The following FNIP2 variants were observed in gnomAD, a reference collection of about 807,000 sequenced individuals.
The protein encoded by FNIP2 is folliculin interacting protein 2.
FNIP2 carries 32 observed loss-of-function variants against 108.7 expected under a neutral mutation model. That is an observed-to-expected ratio of 0.29 (90% CI 0.22 to 0.40). The LOEUF is 0.40. Among genes scored for constraint, FNIP2 ranks in the 10% least tolerant of loss-of-function variants. The pLI is 1.00. For missense variants in FNIP2, 1,202 were observed against 1,381.6 expected (o/e 0.87, Z 2.06); for synonymous variants, 480 against 496.7 (o/e 0.97, Z 0.45).
At chr4:158,794,158 A>T (rs1432272165) in intron 1 of FNIP2, among the ~76,000 whole-genome samples, 1 of 152,088 alleles carries the variant, frequency 6.6e-6, no homozygotes, top group East Asian at 1.9e-4. Context: ...AATTCATTTC[A>T]CTTGTTTTTT....
At chr4:158,854,713 A>T (rs1459996310) in intron 8 of FNIP2, among the ~76,000 whole-genome samples, 1 of 152,256 alleles carries the variant, frequency 6.6e-6, no homozygotes, top group Admixed American at 6.5e-5. Flanking sequence ...ATGGACTGCC[A>T]TGTAGAAATG....
chr4:158,835,176 G>C (rs1578887808), intron 6 of FNIP2: 1 of 239,700 alleles, frequency 4.2e-6, no homozygotes, highest in African/African-American at 2.2e-5. Context: ...AAGTTTGTAT[G>C]CTTACAATTG....
intron 1 of FNIP2, among the ~76,000 whole-genome samples, chr4:158,793,188 A>G (rs934046316): frequency 6.6e-6 from 1 of 152,242 alleles, no homozygotes; most frequent in African/African-American, 2.4e-5. Context: ...CAGAGGACCC[A>G]GAGTGCTGAT....
intron 8 of FNIP2, among the ~76,000 whole-genome samples, chr4:158,852,312 G>A (rs986879977): frequency 2.0e-5 from 3 of 152,206 alleles, no homozygotes; most frequent in Non-Finnish European, 4.4e-5. Flanking sequence ...GAGGGGTCAG[G>A]ATGTGTGAGC....
chr4:158,869,389 G>T lies in FNIP2; in HGVS notation c.2753G>T (p.Arg918Met). Residue 918 changes from arginine (R) to methionine (M), a missense_variant, in exon 13 of 17, where the codon AGG (arginine) becomes ATG (methionine). Coordinates refer to ENST00000264433, the MANE Select transcript of FNIP2 (RefSeq NM_020840.3). ...AMLDLGHGGD[R>M]TGGSLEVELP... Reference sequence around the variant, plus strand: ...CTAGATCTGGGTCACGGTGGTGACAGGACTGGAGGGTCCTTGGAAGTGGAG... The same window carrying T: ...CTAGATCTGGGTCACGGTGGTGACATGACTGGAGGGTCCTTGGAAGTGGAG... The T allele has an allele frequency of 6.2e-7, 1 of 1,609,274 alleles. No individual in the cohort carries two copies. The highest frequency in any genetic ancestry group is 2.2e-5 in the East Asian group (1 of 44,750).
intron 14 of FNIP2, among the ~76,000 whole-genome samples, chr4:158,888,570 C>A (rs1253234783): frequency 6.6e-6 from 1 of 152,162 alleles, no homozygotes; most frequent in Non-Finnish European, 1.5e-5. Flanking sequence ...CGTCTTTACT[C>A]AGGTCTCTAC....
At chr4:158,793,105 C>T (rs1776474754) in intron 1 of FNIP2, among the ~76,000 whole-genome samples, 1 of 152,100 alleles carries the variant, frequency 6.6e-6, no homozygotes, top group Non-Finnish European at 1.5e-5. Context: ...AGGCAGAGAA[C>T]AACACATTTG....
intron 13 of FNIP2, among the ~76,000 whole-genome samples, chr4:158,869,680 T>C (rs964030184): frequency 6.6e-6 from 1 of 152,178 alleles, no homozygotes; most frequent in African/African-American, 2.4e-5. Flanking sequence ...GCAGCTATCG[T>C]GATCCTTTGG....
intron 1 of FNIP2, among the ~76,000 whole-genome samples, chr4:158,792,217 G>A (rs764707142): frequency 7.9e-5 from 12 of 151,950 alleles, no homozygotes; most frequent in Non-Finnish European, 1.8e-4. Context: ...CAATACTCTC[G>A]GCACTTTCAT....
At chr4:158,809,858 A>G (rs1034520291) in intron 1 of FNIP2, among the ~76,000 whole-genome samples, 1 of 152,220 alleles carries the variant, frequency 6.6e-6, no homozygotes, top group African/African-American at 2.4e-5. Flanking sequence ...AAATGAGTAT[A>G]TCCATTTTAT....
intron 2 of FNIP2, among the ~76,000 whole-genome samples, chr4:158,828,477 G>A (rs191509981): frequency 1.8e-3 from 279 of 152,248 alleles, no homozygotes; most frequent in Non-Finnish European, 3.0e-3. Flanking sequence ...TTAGCTGGGC[G>A]TGATGGTGGG....
At chr4:158,834,318 CT>C (rs1778664019) in intron 6 of FNIP2, 1 of 150,070 alleles carries the variant, frequency 6.7e-6, no homozygotes, top group African/African-American at 2.5e-5. Flanking sequence ...CTCTCTCTCT[CT>C]CTCTCTCTCT....
intron 16 of FNIP2, among the ~76,000 whole-genome samples, chr4:158,898,196 T>C (rs1204242847): frequency 6.6e-6 from 1 of 152,202 alleles, no homozygotes. Context: ...CATTGGTCTG[T>C]ATATCTGTTT....
intron 8 of FNIP2, among the ~76,000 whole-genome samples, chr4:158,856,647 C>G (rs1001616337): frequency 2.0e-5 from 3 of 152,146 alleles, no homozygotes; most frequent in Non-Finnish European, 4.4e-5. Context: ...TGGTCATTGC[C>G]AGTATCCAAG....
intron 12 of FNIP2, among the ~76,000 whole-genome samples, chr4:158,866,311 C>A (rs1320108388): frequency 2.3e-5 from 3 of 128,512 alleles, no homozygotes; most frequent in African/African-American, 8.5e-5. Flanking sequence ...CTCTGCCTCC[C>A]GGGCTCAAGC....
chr4:158,895,894 C>T (rs776592458), intron 16 of FNIP2, 29 bp downstream of exon 16: 1 of 1,489,658 alleles, frequency 6.7e-7, no homozygotes, highest in South Asian at 1.2e-5. Flanking sequence ...CGTCACTTGT[C>T]CCTTTGATAG....
chr4:158,890,983 T>A (rs1782245183), intron 14 of FNIP2, among the ~76,000 whole-genome samples: 1 of 152,180 alleles, frequency 6.6e-6, no homozygotes, highest in Non-Finnish European at 1.5e-5. Flanking sequence ...GAAAGATCAT[T>A]CTTCAAAGGA....
rs1465743935 is a variant in FNIP2, at chr4:158,831,893, A to G, written c.414A>G (p.Leu138=). Residue 138 remains leucine (L), a synonymous_variant, in exon 4 of 17, where the codon TTA becomes TTG. Transcript: ENST00000264433. The part of the protein sequence containing the change: ...YTRPASDVNM[L]GEMMFGSVAM... ...GACCAGCTTCCGATGTCAACATGTTAGGGGAAATGATGTTTGGCTCAGTTG... is the reference window on the plus strand; with the variant it reads ...GACCAGCTTCCGATGTCAACATGTTGGGGGAAATGATGTTTGGCTCAGTTG... The G allele has an allele frequency of 3.1e-6, 5 of 1,612,058 alleles. No homozygotes were observed. The African/African-American group carries it at 6.7e-5, about 22-fold the overall frequency.
Position 158,866,065 on chromosome 4 carries a change from A to G in FNIP2, c.1466-2037A>G, listed in dbSNP as rs149953840. ...TCATCTATTTTAATTAGTTTTATCT[A>G]GTATATGCCCTTATAACTGCTTTCC... On this transcript the variant is annotated intron_variant, in intron 12 of 16. Transcript: ENST00000264433. Among the ~76,000 whole-genome samples the G allele has an allele frequency of 2.0e-5, 3 of 148,918 alleles. No individual in the cohort carries two copies. In the East Asian group the frequency reaches 5.9e-4, roughly 29 times the overall value.
Sources: gnomAD v4.1 joint callset for allele counts (sites outside exome capture counted in the v4.1 genomes callset) on GRCh38, gnomAD v4.1.1 for gene constraint, MANE v1.5 for transcripts, NCBI Gene and HGNC (gene_info 2026-07-23, HGNC 2026-07-21) for gene names.